Variants in FGF13 observed in about 807,000 individuals in gnomAD.
FGF13 encodes fibroblast growth factor homologous factor 2.
A neutral mutation model predicts 19.5 loss-of-function variants in FGF13; 2 were observed. That is an observed-to-expected ratio of 0.10 (90% CI 0.04 to 0.32). The LOEUF is 0.32. Ranked by LOEUF, FGF13 falls within the 10% of genes least tolerant of loss-of-function variation. The pLI is 1.00. For synonymous variants in FGF13, 72 were observed against 76.9 expected, an observed-to-expected ratio of 0.94 and a Z score of 0.33; for missense variants, 113 against 192.7, an observed-to-expected ratio of 0.59 and a Z score of 2.45.
At chrX:138,907,667 C>T (rs2091565147) in intron 1 of FGF13, among the ~76,000 whole-genome samples, 1 of 111,755 alleles carries the variant, frequency 8.9e-6, no homozygotes, top group African/African-American at 3.3e-5. Flanking sequence ...CTTTTTGAGA[C>T]ACCTCTGTCT....
intron 1 of FGF13, among the ~76,000 whole-genome samples, chrX:139,016,477 C>T (rs924699591): frequency 9.0e-6 from 1 of 111,434 alleles, no homozygotes; most frequent in African/African-American, 3.3e-5. Context: ...TTTCTAAGTG[C>T]AAGTAAAAGT....
At chrX:138,831,718 T>C (rs1358282154) in intron 3 of FGF13, among the ~76,000 whole-genome samples, 6 of 110,729 alleles carry the variant, frequency 5.4e-5, no homozygotes, top group Non-Finnish European at 5.7e-5. Context: ...CAATTGTAGG[T>C]TTTTTACGTA....
intron 3 of FGF13, among the ~76,000 whole-genome samples, chrX:138,683,481 T>G (rs1351728906): frequency 9.1e-6 from 1 of 110,410 alleles, no homozygotes; most frequent in Non-Finnish European, 1.9e-5. Context: ...TCTCTTGTTG[T>G]ATAGGGTATT....
At chrX:139,176,076 A>G (rs969408282) in intron 1 of FGF13, among the ~76,000 whole-genome samples, 1 of 111,906 alleles carries the variant, frequency 8.9e-6, no homozygotes, top group African/African-American at 3.2e-5. Flanking sequence ...CCTCGATTTC[A>G]GAACTTGTCA....
intron 1 of FGF13, among the ~76,000 whole-genome samples, chrX:138,980,675 G>GTTTT (rs59636336): frequency 2.4e-5 from 2 of 84,934 alleles, no homozygotes; most frequent in African/African-American, 4.4e-5. Context: ...CAGAAGTGTG[G>GTTTT]TTTTTTTTTT....
Position 138,865,450 on chromosome X carries a change from CCT to C in FGF13, c.-112-802_-112-801del, listed in dbSNP as rs370662542. 7.3e-4 allele frequency among the ~76,000 whole-genome samples: 65 copies of C among 89,177 alleles called. 1 individual carries two copies. In the East Asian group the frequency reaches 0.013, roughly 17 times the overall value. The allele number at this position is 89,177 out of a possible 115,157, so 77.4% of individuals were successfully genotyped here. A position where few individuals can be genotyped will look rare whatever the true frequency, so the allele number is the denominator to read the frequency against. On this transcript the variant is annotated intron_variant, in intron 1 of 2. Coordinates refer to the FGF13 transcript ENST00000421460. ...CTCTCTCTTCTCTCTCTCTCTCTCT[CCT>C]CTCTCTCTCTCTCTCTCTCTCCTCT... is the stretch of plus-strand genomic sequence containing the variant.
At chrX:139,046,085 G>T (rs2092286329) in intron 1 of FGF13, among the ~76,000 whole-genome samples, 1 of 111,588 alleles carries the variant, frequency 9.0e-6, no homozygotes, top group Non-Finnish European at 1.9e-5. Flanking sequence ...GGCTTAATTG[G>T]CTCATGGTTC....
At chrX:138,835,415 T>C (rs2091105759) in intron 3 of FGF13, among the ~76,000 whole-genome samples, 1 of 112,096 alleles carries the variant, frequency 8.9e-6, no homozygotes, top group Non-Finnish European at 1.9e-5. Context: ...TGCGGATTTT[T>C]GTTTTGTTTT....
intron 1 of FGF13, among the ~76,000 whole-genome samples, chrX:138,934,229 A>T (rs1399644289): frequency 9.0e-6 from 1 of 111,503 alleles, no homozygotes; most frequent in Non-Finnish European, 1.9e-5. Context: ...GAACAATTAT[A>T]CCATGAGGCA....
intron 1 of FGF13, among the ~76,000 whole-genome samples, chrX:138,914,108 A>G (rs1057300338): frequency 1.0e-4 from 11 of 109,258 alleles, no homozygotes; most frequent in Non-Finnish European, 2.1e-4. Flanking sequence ...CAAATCAATC[A>G]TCAGTCTTCT....
chrX:138,799,681 T>C (rs889759594), intron 3 of FGF13, among the ~76,000 whole-genome samples: 2 of 111,028 alleles, frequency 1.8e-5, no homozygotes, highest in African/African-American at 6.6e-5. Context: ...CCCACTAATA[T>C]TGTGTGGGAG....
chrX:139,020,142 G>C (rs981822566), intron 1 of FGF13, among the ~76,000 whole-genome samples: 2 of 110,897 alleles, frequency 1.8e-5, no homozygotes, highest in African/African-American at 6.6e-5. Flanking sequence ...TTATAAGAAG[G>C]ACAAAAAATG....
chrX:138,974,741 G>A (rs1029983677), intron 1 of FGF13, among the ~76,000 whole-genome samples: 3 of 112,656 alleles, frequency 2.7e-5, no homozygotes, highest in African/African-American at 9.7e-5. Context: ...TATTACATCC[G>A]TAGATACTTA....
At chrX:138,981,809 T>C (rs1028669693) in intron 1 of FGF13, among the ~76,000 whole-genome samples, 2 of 111,048 alleles carry the variant, frequency 1.8e-5, no homozygotes, top group African/African-American at 3.3e-5. Flanking sequence ...CACATCTTAT[T>C]TCTCTCTCTC....
intron 3 of FGF13, among the ~76,000 whole-genome samples, chrX:138,850,922 T>C (rs1358259075): frequency 1.8e-5 from 2 of 111,681 alleles, no homozygotes; most frequent in Non-Finnish European, 3.8e-5. Flanking sequence ...CCGGTGTGTG[T>C]TGTTCCACTC....
At chrX:139,150,957 C>G (rs1162469937) in intron 1 of FGF13, among the ~76,000 whole-genome samples, 2 of 110,767 alleles carry the variant, frequency 1.8e-5, no homozygotes, top group Non-Finnish European at 3.8e-5. Context: ...CATACTCTGT[C>G]CATATCCTTT....
chrX:138,776,581 A>C (rs1237732704), intron 3 of FGF13, among the ~76,000 whole-genome samples: 1 of 112,294 alleles, frequency 8.9e-6, no homozygotes, highest in Admixed American at 9.4e-5. Flanking sequence ...CCAAAAATGT[A>C]AAACATCGAG....
At chrX:139,013,617 T>A (rs926685784) in intron 1 of FGF13, among the ~76,000 whole-genome samples, 20 of 105,306 alleles carry the variant, frequency 1.9e-4, no homozygotes, top group Admixed American at 5.3e-4. Context: ...TTATTCTAAG[T>A]GAAGTAACTC....
chrX:139,085,934 G>A (rs1227415203), intron 1 of FGF13, among the ~76,000 whole-genome samples: 3 of 111,930 alleles, frequency 2.7e-5, no homozygotes, highest in African/African-American at 9.7e-5. Flanking sequence ...TTTTTACCTT[G>A]TAAATAAAAT....
Sources: gnomAD v4.1 joint callset for allele counts (sites outside exome capture counted in the v4.1 genomes callset) on GRCh38, gnomAD v4.1.1 for gene constraint, MANE v1.5 for transcripts, NCBI Gene and HGNC (gene_info 2026-07-23, HGNC 2026-07-21) for gene names.